The following MOGAT1 variants were observed in gnomAD, a reference collection of about 807,000 sequenced individuals.
MOGAT1 encodes monoacylglycerol O-acyltransferase 1.
In MOGAT1, 32 loss-of-function variants were observed where a neutral mutation model predicts 31.4. The ratio of observed to expected loss-of-function variants is 1.02; its 90% CI spans 0.77 to 1.37. The LOEUF is 1.37. MOGAT1 is among the 40% of genes most tolerant of loss of function. The pLI is 0.00. For missense variants in MOGAT1, 426 were observed against 402.0 expected (o/e 1.06, Z -0.51); for synonymous variants, 145 against 144.5 (o/e 1.00, Z -0.03).
At chr2:222,687,019 C>G (rs1692680615) in intron 1 of MOGAT1, among the ~76,000 whole-genome samples, 1 of 143,362 alleles carries the variant, frequency 7.0e-6, no homozygotes, top group African/African-American at 2.6e-5. Context: ...AAGGCTGAGG[C>G]AGGAGAATCG....
chr2:222,689,220 A>G, intron 2 of MOGAT1, 45 bp from the exon 3 acceptor site: 1 of 1,454,272 alleles, frequency 6.9e-7, no homozygotes, highest in Non-Finnish European at 9.3e-7. Context: ...GAAAATAATA[A>G]GGGAAGTTTC....
At chr2:222,690,304 A>T (rs1020284408) in intron 3 of MOGAT1, among the ~76,000 whole-genome samples, 5 of 152,308 alleles carry the variant, frequency 3.3e-5, no homozygotes, top group African/African-American at 1.2e-4. Context: ...CACACCTGTT[A>T]TCTCAGCACT....
chr2:222,688,125 T>TA (rs1692704792), intron 1 of MOGAT1, among the ~76,000 whole-genome samples: 1 of 152,124 alleles, frequency 6.6e-6, no homozygotes, highest in African/African-American at 2.4e-5. Flanking sequence ...GACGATTAAA[T>TA]AAAAATACCT....
rs1468254414 is a variant in MOGAT1, at chr2:222,697,616, CTT to C, written c.853+2329_853+2330del. ...TTTTTTTTTGAGATGGAGTTGCACT[CTT>C]GTCACCCAGGCCGGAGTGCAATGGC... On this transcript the variant is annotated intron_variant, in intron 5 of 5. Coordinates refer to ENST00000446656, the MANE Select transcript of MOGAT1 (RefSeq NM_058165.3). Among the ~76,000 whole-genome samples, 3 of 122,598 alleles carry C rather than the reference CTT, an allele frequency of 2.4e-5. No individual in the cohort carries two copies. The East Asian group carries it at 7.4e-4, about 30-fold the overall frequency. The allele number at this position is 122,598 out of a possible 152,430, so 80.4% of individuals were successfully genotyped here.
At chr2:222,685,456 T>G (rs1459436102) in intron 1 of MOGAT1, among the ~76,000 whole-genome samples, 1 of 152,150 alleles carries the variant, frequency 6.6e-6, no homozygotes, top group South Asian at 2.1e-4. Flanking sequence ...AAATTCCAAT[T>G]AGCAGTTCCA....
At chr2:222,693,687 T>A (rs998774384) in intron 3 of MOGAT1, among the ~76,000 whole-genome samples, 1 of 152,038 alleles carries the variant, frequency 6.6e-6, no homozygotes, top group Non-Finnish European at 1.5e-5. Context: ...TCAGATCTCA[T>A]GGGACTTATT....
chr2:222,681,629 GC>G (rs1692582755), intron 1 of MOGAT1, among the ~76,000 whole-genome samples: 1 of 152,054 alleles, frequency 6.6e-6, no homozygotes. Context: ...TCAATTTCCA[GC>G]CCTTCTCCTC....
At chr2:222,686,597 G>A (rs973282229) in intron 1 of MOGAT1, among the ~76,000 whole-genome samples, 14 of 152,180 alleles carry the variant, frequency 9.2e-5, no homozygotes, top group African/African-American at 2.9e-4. Flanking sequence ...TGGTAGGAAT[G>A]AGGGCAGAGG....
intron 1 of MOGAT1, among the ~76,000 whole-genome samples, chr2:222,675,486 T>TC (rs1397156767): frequency 6.7e-6 from 1 of 149,944 alleles, no homozygotes; most frequent in Non-Finnish European, 1.5e-5. Flanking sequence ...TTTTTCTTTT[T>TC]TTTTTTTTTT....
At chr2:222,676,683 T>C (rs1692503218) in intron 1 of MOGAT1, among the ~76,000 whole-genome samples, 1 of 152,238 alleles carries the variant, frequency 6.6e-6, no homozygotes, top group Non-Finnish European at 1.5e-5. Context: ...CAAAGTATTA[T>C]ATCATTTTAC....
At chr2:222,677,440 T>C (rs1692515465) in intron 1 of MOGAT1, among the ~76,000 whole-genome samples, 1 of 152,166 alleles carries the variant, frequency 6.6e-6, no homozygotes, top group Non-Finnish European at 1.5e-5. Flanking sequence ...GCCTGGCATA[T>C]ATATTTTAAT....
At chr2:222,673,825 A>G (rs1240222054) in intron 1 of MOGAT1, among the ~76,000 whole-genome samples, 1 of 152,200 alleles carries the variant, frequency 6.6e-6, no homozygotes, top group African/African-American at 2.4e-5. Flanking sequence ...TGGCTGTCTT[A>G]GTCTACAAGC....
intron 2 of MOGAT1, 28 bp downstream of exon 2, chr2:222,688,550 A>C: frequency 6.6e-7 from 1 of 1,525,072 alleles, no homozygotes; most frequent in Non-Finnish European, 8.9e-7. Flanking sequence ...ATAAAGTATT[A>C]TTTTGATTTA....
chr2:222,704,495 A>G (rs531034187), intron 5 of MOGAT1, among the ~76,000 whole-genome samples: 49 of 152,118 alleles, frequency 3.2e-4, no homozygotes, highest in African/African-American at 1.0e-3. Context: ...GTGGTGGTGG[A>G]CGCCTGTAGT....
chr2:222,675,495 T>C (rs1457868942), intron 1 of MOGAT1, among the ~76,000 whole-genome samples: 1 of 150,894 alleles, frequency 6.6e-6, no homozygotes, highest in East Asian at 1.9e-4. Context: ...TTTTTTTTTT[T>C]TTGAGACGGA....
rs1340851724 is a variant in MOGAT1, at chr2:222,687,139, AGAAAGAACAAGAAAG to A, written c.95-1204_95-1190del. On this transcript the variant is annotated intron_variant, in intron 1 of 5. Coordinates refer to ENST00000446656, the MANE Select transcript of MOGAT1 (RefSeq NM_058165.3). ...AAAAAAAAAAAAAAAAAAAAAAAAA[AGAAAGAACAAGAAAG>A]AAAGAAAAAATATATATAAATGTTG... Among the ~76,000 whole-genome samples, 5 of 59,926 alleles carry A rather than the reference AGAAAGAACAAGAAAG, an allele frequency of 8.3e-5. 1 individual carries two copies. Among genetic ancestry groups the A allele is most frequent in the African/African-American group, 1.3e-4 (1 of 7,622 alleles). The allele number at this position is 59,926 out of a possible 152,430, so 39.3% of individuals were successfully genotyped here.
intron 5 of MOGAT1, 78 bp from the exon 6 acceptor site, chr2:222,709,658 A>C: frequency 3.7e-6 from 5 of 1,342,310 alleles, no homozygotes; most frequent in Non-Finnish European, 5.2e-6. Context: ...AGTTGTGTTC[A>C]CAGCTGTGCA....
At chr2:222,695,822 A>T in intron 5 of MOGAT1, among the ~76,000 whole-genome samples, 1 of 152,104 alleles carries the variant, frequency 6.6e-6, no homozygotes, top group African/African-American at 2.4e-5. Flanking sequence ...CACATGAATA[A>T]ATTCTTTAGT....
intron 1 of MOGAT1, among the ~76,000 whole-genome samples, chr2:222,684,076 A>G (rs1692625547): frequency 6.6e-6 from 1 of 152,192 alleles, no homozygotes; most frequent in Non-Finnish European, 1.5e-5. Context: ...CCTAGTTTTT[A>G]TAGTGTTTTC....
Sources: allele counts gnomAD v4.1 joint callset (sites outside exome capture counted in the v4.1 genomes callset), GRCh38; gene constraint gnomAD v4.1.1; transcripts MANE v1.5; gene names NCBI Gene and HGNC (gene_info 2026-07-23, HGNC 2026-07-21).